Variants in WDPCP observed in about 807,000 individuals in gnomAD.
WDPCP encodes the protein WD repeat-containing and planar cell polarity effector protein fritz homolog.
Under a neutral mutation model 93.1 loss-of-function variants are expected in WDPCP, and 71 were observed. The observed-to-expected ratio is 0.76, with a 90% CI of 0.63 to 0.93. The LOEUF is 0.93. Among genes scored for constraint, WDPCP ranks in the 40% least tolerant of loss-of-function variants. The probability of loss-of-function intolerance (pLI) is 0.00; values close to 1 mark genes in which losing one functional copy is unlikely to be tolerated. For missense variants in WDPCP, 844 were observed against 887.4 expected (o/e 0.95, Z 0.62); for synonymous variants, 315 against 315.0 (o/e 1.00, Z 0.00).
chr2:63,174,084 A>ATATTTGC (rs1673609704), intron 15 of WDPCP, among the ~76,000 whole-genome samples: 2 of 152,184 alleles, frequency 1.3e-5, no homozygotes, highest in African/African-American at 2.4e-5. Context: ...AAAGCCTAAA[A>ATATTTGC]TATTTGCTCT....
intron 3 of WDPCP, among the ~76,000 whole-genome samples, chr2:63,616,230 C>T (rs777589781): frequency 2.0e-5 from 3 of 152,028 alleles, no homozygotes; most frequent in Non-Finnish European, 2.9e-5. Flanking sequence ...ATATTTAAGG[C>T]CAAGATCTGA....
chr2:63,238,710 T>C (rs1679615209), intron 14 of WDPCP, among the ~76,000 whole-genome samples: 1 of 152,122 alleles, frequency 6.6e-6, no homozygotes, highest in Non-Finnish European at 1.5e-5. Context: ...AGTCCAAACC[T>C]AGGAAGTTGG....
intron 13 of WDPCP, among the ~76,000 whole-genome samples, chr2:63,283,841 T>C (rs959053662): frequency 6.6e-6 from 1 of 152,192 alleles, no homozygotes; most frequent in Non-Finnish European, 1.5e-5. Context: ...AACGAGGTAG[T>C]TGTGTTGTTT....
At chr2:63,446,287 C>G (rs547162081) in intron 6 of WDPCP, among the ~76,000 whole-genome samples, 28 of 152,282 alleles carry the variant, frequency 1.8e-4, no homozygotes, top group African/African-American at 5.5e-4. Context: ...AGCTCTACCC[C>G]CTGTCAGATC....
chr2:63,422,248 A>G (rs189484449), intron 9 of WDPCP, among the ~76,000 whole-genome samples: 3 of 152,366 alleles, frequency 2.0e-5, no homozygotes, highest in African/African-American at 7.2e-5. Flanking sequence ...AAGCTACCCA[A>G]GACTGCTGAG....
chr2:63,362,274 T>TG (rs1690531798), intron 12 of WDPCP, among the ~76,000 whole-genome samples: 5 of 57,978 alleles, frequency 8.6e-5, no homozygotes, highest in Non-Finnish European at 1.3e-4. Context: ...TTTTTTTTTT[T>TG]GGTTGTGTGT....
At chr2:63,128,044 CAGG>C (rs1670040837) in intron 17 of WDPCP, among the ~76,000 whole-genome samples, 1 of 152,198 alleles carries the variant, frequency 6.6e-6, no homozygotes, top group South Asian at 2.1e-4. Flanking sequence ...GAGGCTGAGG[CAGG>C]AGAATCACTT....
chr2:63,392,585 T>C (rs1274827506), intron 10 of WDPCP, among the ~76,000 whole-genome samples: 7 of 151,840 alleles, frequency 4.6e-5, no homozygotes, highest in East Asian at 1.9e-4. Context: ...AAACTACCAT[T>C]AGAGTGAACA....
intron 3 of WDPCP, among the ~76,000 whole-genome samples, chr2:63,627,377 T>C (rs1411397888): frequency 2.6e-5 from 4 of 152,184 alleles, no homozygotes; most frequent in African/African-American, 4.8e-5. Flanking sequence ...CTGAAAATCA[T>C]ATCTGTAATG....
chr2:63,378,291 A>T (rs1692018444), intron 12 of WDPCP, 95 bp downstream of exon 12: 1 of 1,535,836 alleles, frequency 6.5e-7, no homozygotes, highest in South Asian at 1.1e-5. Flanking sequence ...CTGTTAGGAA[A>T]CACATAGCCT....
At chr2:63,344,143 T>C (rs780221777) in intron 12 of WDPCP, among the ~76,000 whole-genome samples, 5 of 152,214 alleles carry the variant, frequency 3.3e-5, no homozygotes, top group Non-Finnish European at 7.3e-5. Context: ...AATCAGATTA[T>C]TTCCCTCTCC....
At chr2:63,303,078 T>C (rs564763396) in intron 13 of WDPCP, among the ~76,000 whole-genome samples, 16 of 152,268 alleles carry the variant, frequency 1.1e-4, no homozygotes, top group Admixed American at 6.5e-4. Context: ...TAAAGGCACA[T>C]GTATATGTCC....
chr2:63,753,784 C>T (rs779218027), intron 2 of WDPCP, among the ~76,000 whole-genome samples: 1 of 152,104 alleles, frequency 6.6e-6, no homozygotes, highest in African/African-American at 2.4e-5. Context: ...AATTACAATT[C>T]GACATGAGAT....
intron 10 of WDPCP, among the ~76,000 whole-genome samples, chr2:63,393,572 A>T (rs370719782): frequency 7.9e-5 from 12 of 151,938 alleles, no homozygotes; most frequent in African/African-American, 2.9e-4. Context: ...AGAAAAACTA[A>T]TTTAAAATTC....
At chr2:63,763,326 A>G (rs1414015111) in intron 2 of WDPCP, among the ~76,000 whole-genome samples, 1 of 152,094 alleles carries the variant, frequency 6.6e-6, no homozygotes, top group Non-Finnish European at 1.5e-5. Context: ...CGATATAGTG[A>G]AACCCCATCT....
chr2:63,783,140 C>T (rs747184973), intron 2 of WDPCP, among the ~76,000 whole-genome samples: 1 of 151,874 alleles, frequency 6.6e-6, no homozygotes, highest in African/African-American at 2.4e-5. Context: ...TGGCCAGGCA[C>T]AGTGGCTCAT....
chr2:63,795,211 A>G (rs546679200), intron 2 of WDPCP, among the ~76,000 whole-genome samples: 1 of 152,276 alleles, frequency 6.6e-6, no homozygotes, highest in East Asian at 1.9e-4. Flanking sequence ...AACAACCCCA[A>G]AATTGTGGAG....
At chr2:63,514,801 T>C (rs144847695) in intron 1 of WDPCP, among the ~76,000 whole-genome samples, 2,329 of 152,260 alleles carry the variant, frequency 0.015, 63 homozygotes, top group African/African-American at 0.051. Flanking sequence ...GAGTGATAGC[T>C]AGAGGATTCT....
intron 9 of WDPCP, among the ~76,000 whole-genome samples, chr2:63,423,796 G>C (rs1253509618): frequency 6.6e-6 from 1 of 152,160 alleles, no homozygotes; most frequent in Non-Finnish European, 1.5e-5. Context: ...AGTTCTAGGA[G>C]GATGGTAATA....
Sources: gnomAD v4.1 joint callset for allele counts (sites outside exome capture counted in the v4.1 genomes callset) on GRCh38, gnomAD v4.1.1 for gene constraint, MANE v1.5 for transcripts, NCBI Gene and HGNC (gene_info 2026-07-23, HGNC 2026-07-21) for gene names.